Variants in SLC26A11 observed in about 807,000 individuals in gnomAD.
SLC26A11 encodes solute carrier family 26 member 11, also known as sodium-independent sulfate anion transporter.
In SLC26A11, 58 loss-of-function variants were observed where a neutral mutation model predicts 62.2. The ratio of observed to expected loss-of-function variants is 0.93; its 90% CI spans 0.76 to 1.16. The LOEUF is 1.16. Among genes scored for constraint, SLC26A11 ranks in the 50% most tolerant of loss-of-function variants. The pLI, the probability that SLC26A11 is intolerant of heterozygous loss-of-function variation, is 0.00. For synonymous variants in SLC26A11, 411 were observed against 368.9 expected (o/e 1.11, Z -1.31); for missense variants, 790 against 794.3 (o/e 0.99, Z 0.06).
chr17:80,251,484 T>C, intron 17 of SLC26A11, 83 bp downstream of exon 17: 1 of 1,549,682 alleles, frequency 6.5e-7, no homozygotes, highest in Non-Finnish European at 8.8e-7. Context: ...GGAAACCAGC[T>C]GGGCACAGTG....
intron 6 of SLC26A11, among the ~76,000 whole-genome samples, 183 bp downstream of exon 6, chr17:80,226,099 C>G (rs1383460580): frequency 6.6e-6 from 1 of 152,114 alleles, no homozygotes; most frequent in Non-Finnish European, 1.5e-5. Flanking sequence ...CAGACCTGCC[C>G]TATCAGAGCC....
chr17:80,244,275 G>A (rs1450597505), intron 10 of SLC26A11, among the ~76,000 whole-genome samples: 4 of 152,208 alleles, frequency 2.6e-5, no homozygotes, highest in South Asian at 4.1e-4. Context: ...TGCTGTGGGC[G>A]TGGGCTTTGT....
chr17:80,234,761 T>C (rs1045134977), intron 7 of SLC26A11, among the ~76,000 whole-genome samples: 2 of 152,210 alleles, frequency 1.3e-5, no homozygotes, highest in East Asian at 3.8e-4. Context: ...TTTTCTGTAA[T>C]GTCTCAGCTG....
chr17:80,249,071 CT>C, intron 15 of SLC26A11, 82 bp from the exon 16 acceptor site: 1 of 1,499,834 alleles, frequency 6.7e-7, no homozygotes. Context: ...TCCCCTGCCC[CT>C]GGCCAGAGCC....
chr17:80,235,187 T>G (rs1024840135), intron 7 of SLC26A11, among the ~76,000 whole-genome samples: 1 of 152,168 alleles, frequency 6.6e-6, no homozygotes, highest in African/African-American at 2.4e-5. Flanking sequence ...TCTACATCTT[T>G]ACTTAACAGT....
At chr17:80,233,496 A>G (rs2042612398) in intron 7 of SLC26A11, among the ~76,000 whole-genome samples, 1 of 151,620 alleles carries the variant, frequency 6.6e-6, no homozygotes, top group African/African-American at 2.4e-5. Flanking sequence ...GTACAAATCC[A>G]GATTTCCATC....
At position 80,240,700 on chromosome 17, in the gene SLC26A11, G is replaced by C. The variant is rs527534827; in HGVS notation, c.986-1071G>C. ...CCCCTGTAGTCCCAGCTACTCAGGA[G>C]GCTAAGGCAGGAGAATCTCTTGAAC... On this transcript the variant is annotated intron_variant, in intron 9 of 17. Transcript: ENST00000361193. Among the ~76,000 whole-genome samples, 11 of 151,970 alleles carry C rather than the reference G, an allele frequency of 7.2e-5. 1 individual carries two copies. The South Asian group carries it at 2.3e-3, about 32-fold the overall frequency.
intron 9 of SLC26A11, among the ~76,000 whole-genome samples, chr17:80,240,469 C>A (rs1281196260): frequency 6.6e-6 from 1 of 152,114 alleles, no homozygotes. Flanking sequence ...CTTAGACTTT[C>A]CAGTCATCTC....
rs1371251563 is a variant in SLC26A11 at position 80,222,936 on chromosome 17, T to C, written c.427+89T>C. 7.0e-6 allele frequency: 9 copies of C among 1,285,960 alleles called. No individual in the cohort carries two copies. The highest frequency in any genetic ancestry group is 8.4e-6 in the Non-Finnish European group (8 of 957,220). 79.7% of individuals were successfully genotyped at this position (1,285,960 alleles called of 1,614,324 possible). A position where few individuals can be genotyped will look rare whatever the true frequency, so the allele number is the denominator to read the frequency against. On this transcript the variant is annotated intron_variant, in intron 4 of 17. Coordinates refer to ENST00000361193, the MANE Select transcript of SLC26A11 (RefSeq NM_001166347.2). This position sits in a 1 kb window ranked among gnomAD's most constrained non-coding sequence, Gnocchi z 4.7. ...AAGTCTATCCCCGTGTGCGTGTGTG[T>C]GCGTGTTGGGGTGTGGGTATGTATG...
chr17:80,240,194 C>T (rs886849343), intron 9 of SLC26A11, among the ~76,000 whole-genome samples: 14 of 152,212 alleles, frequency 9.2e-5, no homozygotes, highest in Admixed American at 2.0e-4. Context: ...AGTGAAACCC[C>T]GTCTCTACTA....
At chr17:80,242,976 G>C (rs1366444856) in intron 10 of SLC26A11, among the ~76,000 whole-genome samples, 1 of 151,966 alleles carries the variant, frequency 6.6e-6, no homozygotes, top group African/African-American at 2.4e-5. Context: ...CAAAGTGCTG[G>C]GATTACAGGC....
At chr17:80,247,506 G>A (rs747937981) in intron 13 of SLC26A11, among the ~76,000 whole-genome samples, 18 of 152,350 alleles carry the variant, frequency 1.2e-4, no homozygotes, top group East Asian at 1.9e-4. Flanking sequence ...AGCATGGAGT[G>A]GGTTCACCTA....
At chr17:80,245,409 C>G (rs901090004) in intron 11 of SLC26A11, 153 bp downstream of exon 11, 1 of 678,100 alleles carries the variant, frequency 1.5e-6, no homozygotes, top group African/African-American at 1.8e-5. Flanking sequence ...CACTGTCCTC[C>G]AGGGTGTTCT....
At position 80,253,451 on chromosome 17, in the gene SLC26A11, T is replaced by C. The variant is rs2043197091; in HGVS notation, c.*735T>C. On this transcript the variant is annotated 3_prime_UTR_variant, in exon 18 of 18. Transcript: ENST00000361193. ...TCTGGAACCCACATTTTTCATGCAG[T>C]CATTTGCAGTGAATTATTTATTGTG... 1 of 152,152 alleles carries C rather than the reference T, an allele frequency of 6.6e-6. No individual in the cohort carries two copies. The highest frequency in any genetic ancestry group is 2.4e-5 in the African/African-American group (1 of 41,432). 9.4% of individuals were successfully genotyped at this position (152,152 alleles called of 1,614,324 possible). A position where few individuals can be genotyped will look rare whatever the true frequency, so the allele number is the denominator to read the frequency against.
intron 16 of SLC26A11, among the ~76,000 whole-genome samples, chr17:80,251,093 C>T (rs140304060): frequency 5.9e-5 from 9 of 151,610 alleles, no homozygotes; most frequent in African/African-American, 2.2e-4. Flanking sequence ...GATCGTGCCA[C>T]TGCACTCCAG....
chr17:80,220,816 G>C (rs1192835351), intron 1 of SLC26A11, 100 bp from the exon 2 acceptor site: 2 of 153,508 alleles, frequency 1.3e-5, no homozygotes, highest in African/African-American at 4.8e-5. Context: ...CCGGGGGCGT[G>C]GGGGGCTGGG....
intron 9 of SLC26A11, among the ~76,000 whole-genome samples, chr17:80,238,795 T>C (rs561255381): frequency 6.6e-6 from 1 of 151,388 alleles, no homozygotes; most frequent in South Asian, 2.1e-4. Context: ...CTCTAACCCT[T>C]ACCCCCTTCA....
intron 5 of SLC26A11, among the ~76,000 whole-genome samples, chr17:80,224,332 TGAGA>T (rs543114066): frequency 2.8e-5 from 4 of 145,170 alleles, no homozygotes; most frequent in African/African-American, 1.1e-4. Flanking sequence ...TGTGTATGAG[TGAGA>T]GTGTGAGAGT....
rs1366044421 is a variant in SLC26A11 at position 80,238,820 on chromosome 17, G to GTTTTTTTTTTTTTTTTTTTTTTTTTTTT, written c.985+1232_985+1233insTTTTTTTTTTTTTTTTTTTTTTTTTTTT. On this transcript the variant is annotated intron_variant, in intron 9 of 17. Coordinates refer to ENST00000361193, the MANE Select transcript of SLC26A11 (RefSeq NM_001166347.2). The stretch of plus-strand genomic sequence containing the variant: ...TACCCCCTTCAAAGGAGTTTTTTTT[G>GTTTTTTTTTTTTTTTTTTTTTTTTTTTT]TTTTTTGTTTTTTTTTTTTTTTGGA... Among the ~76,000 whole-genome samples the GTTTTTTTTTTTTTTTTTTTTTTTTTTTT allele has an allele frequency of 2.3e-5, 2 of 87,366 alleles. 1 individual carries two copies. The allele number at this position is 87,366 out of a possible 152,430, so 57.3% of individuals were successfully genotyped here. A position where few individuals can be genotyped will look rare whatever the true frequency, so the allele number is the denominator to read the frequency against.
Sources: allele counts gnomAD v4.1 joint callset (sites outside exome capture counted in the v4.1 genomes callset), GRCh38; gene constraint gnomAD v4.1.1; non-coding constraint Gnocchi (gnomAD v3.1); transcripts MANE v1.5; gene names NCBI Gene and HGNC (gene_info 2026-07-23, HGNC 2026-07-21).